Variants in MBNL1 observed in about 807,000 individuals in gnomAD.
MBNL1 encodes muscleblind like splicing regulator 1.
In MBNL1, 8 loss-of-function variants were observed where a neutral mutation model predicts 42.2. The observed-to-expected ratio is 0.19, with a 90% confidence interval of 0.11 to 0.34. The LOEUF is 0.34. MBNL1 is among the 10% of genes least tolerant of loss of function. MBNL1 has a pLI of 1.00. For missense variants in MBNL1, 309 were observed against 495.3 expected, an observed-to-expected ratio of 0.62 and a Z score of 3.57; for synonymous variants, 169 against 173.9, an observed-to-expected ratio of 0.97 and a Z score of 0.22.
At chr3:152,271,650 TA>T (rs560038079) in intron 1 of MBNL1, among the ~76,000 whole-genome samples, 1 of 152,088 alleles carries the variant, frequency 6.6e-6, no homozygotes, top group Non-Finnish European at 1.5e-5. Context: ...GGGTAGTAGA[TA>T]TGAGAGTCAA....
chr3:152,327,495 G>A (rs2081159825), intron 2 of MBNL1, among the ~76,000 whole-genome samples: 1 of 151,972 alleles, frequency 6.6e-6, no homozygotes, highest in Admixed American at 6.6e-5. Flanking sequence ...TAACAGGCAT[G>A]GGCCACCATA....
intron 4 of MBNL1, among the ~76,000 whole-genome samples, chr3:152,440,709 C>T (rs1161310469): frequency 6.6e-6 from 1 of 152,150 alleles, no homozygotes; most frequent in Non-Finnish European, 1.5e-5. Flanking sequence ...TTTACCTAAT[C>T]ACCAGAATTA....
chr3:152,293,117 T>C (rs938875416), intron 1 of MBNL1, among the ~76,000 whole-genome samples: 2 of 152,222 alleles, frequency 1.3e-5, no homozygotes, highest in Non-Finnish European at 2.9e-5. Flanking sequence ...ATAATATTGA[T>C]GTAATCACAG....
chr3:152,311,001 CTTTTTTTT>C (rs71144111), intron 2 of MBNL1, among the ~76,000 whole-genome samples: 173 of 77,554 alleles, frequency 2.2e-3, no homozygotes, highest in African/African-American at 8.7e-3. Flanking sequence ...AACCATGAGA[CTTTTTTTT>C]TTTTTTTTTT....
At chr3:152,431,345 A>G (rs952884269) in intron 3 of MBNL1, among the ~76,000 whole-genome samples, 1 of 152,218 alleles carries the variant, frequency 6.6e-6, no homozygotes, top group African/African-American at 2.4e-5. Context: ...AGAAAAAGGG[A>G]ATACTTGAAA....
At chr3:152,443,188 CCCCA>C (rs957760330) in intron 4 of MBNL1, among the ~76,000 whole-genome samples, 6 of 142,866 alleles carry the variant, frequency 4.2e-5, no homozygotes, top group South Asian at 4.6e-4. Flanking sequence ...AAACCCCCCC[CCCCA>C]CACACACACA....
intron 2 of MBNL1, among the ~76,000 whole-genome samples, chr3:152,329,709 A>AAT (rs1025598764): frequency 6.8e-6 from 1 of 146,984 alleles, no homozygotes; most frequent in Non-Finnish European, 1.5e-5. Context: ...ATATATATAT[A>AAT]ATATATATGT....
chr3:152,294,342 G>C (rs2057574075), intron 1 of MBNL1, among the ~76,000 whole-genome samples: 1 of 147,664 alleles, frequency 6.8e-6, no homozygotes, highest in Non-Finnish European at 1.5e-5. Context: ...GGAGTGCAGT[G>C]GTGTGATCTC....
chr3:152,419,725 T>C (rs2098769824), intron 3 of MBNL1, among the ~76,000 whole-genome samples: 2 of 149,346 alleles, frequency 1.3e-5, no homozygotes, highest in South Asian at 4.2e-4. Flanking sequence ...TTGTTTGTTT[T>C]CATACTCTAG....
intron 1 of MBNL1, among the ~76,000 whole-genome samples, chr3:152,278,888 A>T (rs1559982340): frequency 6.6e-6 from 1 of 152,146 alleles, no homozygotes; most frequent in African/African-American, 2.4e-5. Flanking sequence ...TCTTTGACAT[A>T]CAATTGGGTT....
At chr3:152,292,927 C>T (rs2056781426) in intron 1 of MBNL1, among the ~76,000 whole-genome samples, 1 of 151,916 alleles carries the variant, frequency 6.6e-6, no homozygotes, top group Middle Eastern at 3.2e-3. Flanking sequence ...TGTCACCCTG[C>T]CTGGCTAATT....
intron 2 of MBNL1, among the ~76,000 whole-genome samples, chr3:152,330,019 G>A (rs1030980861): frequency 1.2e-4 from 18 of 151,942 alleles, no homozygotes; most frequent in African/African-American, 3.6e-4. Flanking sequence ...AGTAAACATT[G>A]TGTGTATGTT....
intron 3 of MBNL1, among the ~76,000 whole-genome samples, chr3:152,416,449 A>G (rs758714136): frequency 1.6e-4 from 25 of 152,222 alleles, no homozygotes; most frequent in Non-Finnish European, 3.2e-4. Flanking sequence ...AAAATTAGCT[A>G]TAATAATTCT....
At chr3:152,270,692 C>A (rs1016299374) in intron 1 of MBNL1, among the ~76,000 whole-genome samples, 3 of 152,184 alleles carry the variant, frequency 2.0e-5, no homozygotes, top group African/African-American at 7.2e-5. Flanking sequence ...ATCGCTGTCA[C>A]TTGTATCTTG....
chr3:152,327,549 A>G (rs2081196410), intron 2 of MBNL1, among the ~76,000 whole-genome samples: 1 of 151,986 alleles, frequency 6.6e-6, no homozygotes, highest in African/African-American at 2.4e-5. Flanking sequence ...GGTTTCACCC[A>G]TGTTGGCCAG....
intron 1 of MBNL1, among the ~76,000 whole-genome samples, chr3:152,289,538 C>G (rs1326032871): frequency 6.6e-6 from 1 of 151,736 alleles, no homozygotes; most frequent in African/African-American, 2.4e-5. Context: ...CAGTGTTAGT[C>G]AGTGAAAACA....
At chr3:152,251,598 T>C (rs2034541576) in intron 2 of MBNL1, among the ~76,000 whole-genome samples, 1 of 149,332 alleles carries the variant, frequency 6.7e-6, no homozygotes, top group Non-Finnish European at 1.5e-5. Context: ...ATATTCACTC[T>C]TTTTTTTCAT....
At chr3:152,392,462 T>C (rs1488658217) in intron 2 of MBNL1, among the ~76,000 whole-genome samples, 1 of 152,254 alleles carries the variant, frequency 6.6e-6, no homozygotes, top group East Asian at 1.9e-4. Flanking sequence ...ATGAATGGAA[T>C]GCTTTTGAAA....
intron 1 of MBNL1, among the ~76,000 whole-genome samples, chr3:152,276,180 TTTC>T (rs2045068369): frequency 6.6e-6 from 1 of 152,222 alleles, no homozygotes; most frequent in Non-Finnish European, 1.5e-5. Context: ...TTAACCAATT[TTTC>T]TTGTCTTGCC....
Sources: gnomAD v4.1 joint callset for allele counts (sites outside exome capture counted in the v4.1 genomes callset) on GRCh38, gnomAD v4.1.1 for gene constraint, MANE v1.5 for transcripts, NCBI Gene and HGNC (gene_info 2026-07-23, HGNC 2026-07-21) for gene names.